The following FAAP20 variants were observed in gnomAD, a reference collection of about 807,000 sequenced individuals.
The protein encoded by FAAP20 is Fanconi anemia core complex-associated protein 20.
In FAAP20, 12 loss-of-function variants were observed where a neutral mutation model predicts 16.2. The ratio of observed to expected loss-of-function variants is 0.74; its 90% CI spans 0.48 to 1.20. The LOEUF (loss-of-function observed/expected upper bound fraction) is 1.20. Ranked by LOEUF, FAAP20 falls within the 50% of genes most tolerant of loss-of-function variation. The pLI is 0.00. For synonymous variants in FAAP20, 141 were observed against 110.7 expected (o/e 1.27, Z -1.72); for missense variants, 288 against 245.8 (o/e 1.17, Z -1.15).
chr1:2,189,650 T>C lies in FAAP20; in HGVS notation c.*59A>G. ...TGGCGGGGGAGCCGAGAGGCGGGGC[T>C]GCTGGCGGGGGAGAGCGTGTCCGGG... is the stretch of plus-strand genomic sequence containing the variant. On this transcript the variant is annotated 3_prime_UTR_variant, in exon 4 of 4. Coordinates refer to ENST00000378546, the MANE Select transcript of FAAP20 (RefSeq NM_182533.4). 1 of 1,415,366 alleles carries C rather than the reference T, an allele frequency of 7.1e-7. No individual in the cohort carries two copies. Among genetic ancestry groups the C allele is most frequent in the South Asian group, 1.2e-5 (1 of 85,884 alleles). The allele number at this position is 1,415,366 out of a possible 1,614,324, so 87.7% of individuals were successfully genotyped here.
downstream of FAAP20, among the ~76,000 whole-genome samples, chr1:2,209,958 C>G (rs572046025): frequency 1.3e-4 from 20 of 152,312 alleles, no homozygotes; most frequent in East Asian, 1.7e-3. Flanking sequence ...GAAACGCTCA[C>G]GGGGCCTCTG....
chr1:2,188,936 C>T (rs1174546851), downstream of FAAP20, among the ~76,000 whole-genome samples: 119 of 144,770 alleles, frequency 8.2e-4, no homozygotes, highest in Non-Finnish European at 1.3e-3. Context: ...ACCCGGGAGG[C>T]GGAGCTTGCA....
intron 3 of FAAP20, chr1:2,190,525 G>T (rs1688093804): frequency 2.4e-6 from 1 of 418,364 alleles, no homozygotes; most frequent in Admixed American, 2.7e-5. Flanking sequence ...GGAGCGGCTG[G>T]AAATGACCAT....
downstream of FAAP20, among the ~76,000 whole-genome samples, chr1:2,208,041 G>A (rs1182099342): frequency 6.6e-6 from 1 of 152,082 alleles, no homozygotes; most frequent in Admixed American, 6.6e-5. Flanking sequence ...CGGTGTTTCC[G>A]CCCCAGGGCT....
upstream of FAAP20, among the ~76,000 whole-genome samples, chr1:2,201,478 T>G (rs897783659): frequency 6.6e-6 from 1 of 152,030 alleles, no homozygotes; most frequent in African/African-American, 2.4e-5. Flanking sequence ...TCTCAGCACT[T>G]TGGAAGGCCA....
At chr1:2,207,223 G>C (rs769287849), downstream of FAAP20, among the ~76,000 whole-genome samples, 5 of 152,186 alleles carry the variant, frequency 3.3e-5, no homozygotes, top group South Asian at 2.1e-4. Context: ...GGTGGGGGCA[G>C]AGCTGGGCAG....
chr1:2,211,719 G>T (rs1689452190), downstream of FAAP20, among the ~76,000 whole-genome samples: 1 of 151,440 alleles, frequency 6.6e-6, no homozygotes, highest in Non-Finnish European at 1.5e-5. Flanking sequence ...AAAGTGCTGG[G>T]ATTACAGGCA....
upstream of FAAP20, chr1:2,201,206 C>G (rs1014820848): frequency 8.2e-7 from 1 of 1,225,098 alleles, no homozygotes; most frequent in African/African-American, 1.6e-5. Context: ...TGGCTCCATC[C>G]AACGCCTCCC....
At position 2,194,003 on chromosome 1, in the gene FAAP20, C is replaced by A; in HGVS notation, c.193G>T (p.Gly65Ter). 1.2e-6 allele frequency: 2 copies of A among 1,612,776 alleles called. No individual in the cohort carries two copies. Among genetic ancestry groups the A allele is most frequent in the Non-Finnish European group, 1.7e-6 (2 of 1,179,942 alleles). Residue 65 changes from glycine (G) to a stop codon, truncating the protein, a stop_gained, in exon 2 of 4, where the codon GGA becomes TGA. Coordinates refer to ENST00000378546, the MANE Select transcript of FAAP20 (RefSeq NM_182533.4). LOFTEE classifies it high-confidence loss of function. ...HEVPSLPAFP[G>*]QEPRCGPEPT... Reference sequence around the variant, plus strand: ...GATGGGCCCAGTGGGCACACCTGTCCTGGGAAGGCGGGCAGTGAAGGCACC... The same window carrying A: ...GATGGGCCCAGTGGGCACACCTGTCATGGGAAGGCGGGCAGTGAAGGCACC...
chr1:2,194,393 G>A (rs1211561212), intron 1 of FAAP20, among the ~76,000 whole-genome samples: 1 of 144,758 alleles, frequency 6.9e-6, no homozygotes, highest in East Asian at 2.1e-4. Context: ...GATGGTTGGG[G>A]AGATTGCGGA....
At chr1:2,210,810 G>A (rs891714405), downstream of FAAP20, among the ~76,000 whole-genome samples, 2 of 152,248 alleles carry the variant, frequency 1.3e-5, no homozygotes, top group Non-Finnish European at 2.9e-5. Flanking sequence ...AGCCCCAGGT[G>A]TCCCCATCCT....
At chr1:2,190,285 C>G (rs911826520) in intron 3 of FAAP20, 1 of 456,442 alleles carries the variant, frequency 2.2e-6, no homozygotes, top group Non-Finnish European at 4.4e-6. Flanking sequence ...AGAAGGACGC[C>G]GTCACCGGCG....
chr1:2,190,369 G>A, intron 3 of FAAP20: 1 of 452,036 alleles, frequency 2.2e-6, no homozygotes, highest in Non-Finnish European at 4.5e-6. Flanking sequence ...CTGGCGCTGG[G>A]ATGGTGGCCG....
downstream of FAAP20, among the ~76,000 whole-genome samples, chr1:2,210,693 T>TCAGA (rs1689412505): frequency 6.6e-6 from 1 of 152,222 alleles, no homozygotes; most frequent in African/African-American, 2.4e-5. Flanking sequence ...GGTCTCTGCA[T>TCAGA]GCACAGCAGA....
At chr1:2,203,656 GGGGCCGGCTGCT>G (rs1160823753), upstream of FAAP20, 5 of 985,836 alleles carry the variant, frequency 5.1e-6, no homozygotes, top group Admixed American at 3.1e-4. Flanking sequence ...ATATCAGGCT[GGGGCCGGCTGCT>G]GGGCCTGTCC....
chr1:2,189,565 GAC>G lies in FAAP20; in HGVS notation c.*142_*143del, dbSNP rs1687920047. 2 of 705,886 alleles carry G rather than the reference GAC, an allele frequency of 2.8e-6. No individual in the cohort carries two copies. Among genetic ancestry groups the G allele is most frequent in the African/African-American group, 1.7e-5 (1 of 57,700 alleles). 43.7% of individuals were successfully genotyped at this position (705,886 alleles called of 1,614,324 possible). ...GGCAGACGTTTCATCACAACACAGAGACAGACAGGAGCCCGCCCTGCTTTAAT... is the reference window on the plus strand; with the variant it reads ...GGCAGACGTTTCATCACAACACAGAGAGACAGGAGCCCGCCCTGCTTTAAT... On this transcript the variant is annotated 3_prime_UTR_variant, in exon 4 of 4. Transcript: ENST00000378546.
chr1:2,186,505 C>A (rs535187750), downstream of FAAP20, among the ~76,000 whole-genome samples: 1 of 149,810 alleles, frequency 6.7e-6, no homozygotes, highest in Non-Finnish European at 1.5e-5. Flanking sequence ...CGCCCCCCCC[C>A]GGCCAGCTCA....
intron 3 of FAAP20, 82 bp from the exon 4 acceptor site, chr1:2,189,863 C>G (rs1687979105): frequency 3.7e-6 from 4 of 1,091,794 alleles, no homozygotes; most frequent in Non-Finnish European, 5.6e-6. Flanking sequence ...TCCGGGCCCT[C>G]TCTGCTCCTG....
chr1:2,197,399 C>T (rs994712737), upstream of FAAP20, among the ~76,000 whole-genome samples: 3 of 152,224 alleles, frequency 2.0e-5, no homozygotes. Flanking sequence ...GGGACACCTG[C>T]GCTGCCCGGC....
Sources: allele counts gnomAD v4.1 joint callset (sites outside exome capture counted in the v4.1 genomes callset), GRCh38; gene constraint gnomAD v4.1.1; transcripts MANE v1.5; gene names NCBI Gene and HGNC (gene_info 2026-07-23, HGNC 2026-07-21).